Variants in SETD1B observed in about 807,000 individuals in gnomAD.
The protein encoded by SETD1B is histone-lysine N-methyltransferase SETD1B.
Under a neutral mutation model 148.0 loss-of-function variants are expected in SETD1B, and 7 were observed. The observed-to-expected ratio is 0.05, with a 90% CI of 0.03 to 0.09. The LOEUF (loss-of-function observed/expected upper bound fraction) is 0.09. Ranked by LOEUF, SETD1B falls within the 10% of genes least tolerant of loss-of-function variation. The probability of loss-of-function intolerance (pLI) is 1.00; values close to 1 mark genes in which losing one functional copy is unlikely to be tolerated. For synonymous variants in SETD1B, 1,361 were observed against 1,186.5 expected (o/e 1.15, Z -3.02); for missense variants, 2,155 against 2,729.9 (o/e 0.79, Z 4.69).
At chr12:121,803,788 A>G (rs1875536873), upstream of SETD1B, 1 of 151,748 alleles carries the variant, frequency 6.6e-6, no homozygotes, top group African/African-American at 2.4e-5. The surrounding 1 kb of genome is among the most constrained non-coding windows in gnomAD (Gnocchi z 4.7). Context: ...CCAGTCCCAG[A>G]AAAATAAATA....
At chr12:121,816,930 G>A in intron 7 of SETD1B, 103 bp from the exon 8 acceptor site, 1 of 1,030,850 alleles carries the variant, frequency 9.7e-7, no homozygotes, top group East Asian at 2.6e-5. Context: ...GTTACCTGTG[G>A]TGGCTGTTAC....
At chr12:121,813,989 G>T in intron 6 of SETD1B, 117 bp from the exon 7 acceptor site, 1 of 789,808 alleles carries the variant, frequency 1.3e-6, no homozygotes, top group Middle Eastern at 3.0e-4. Context: ...AGGCTGAATG[G>T]CTTGCACTGG....
intron 10 of SETD1B, among the ~76,000 whole-genome samples, chr12:121,818,489 G>T (rs1876405738): frequency 6.6e-6 from 1 of 152,050 alleles, no homozygotes; most frequent in African/African-American, 2.4e-5. Flanking sequence ...CTTGAATCCA[G>T]GAGGCAGAGG....
rs1030688783 is a variant in SETD1B, at chr12:121,804,556, C to T, written c.-14-168C>T. Among the ~76,000 whole-genome samples, 1 of 151,402 alleles carries T rather than the reference C, an allele frequency of 6.6e-6. No homozygotes were observed. Among genetic ancestry groups the T allele is most frequent in the Non-Finnish European group, 1.5e-5 (1 of 67,748 alleles). Reference sequence around the variant, plus strand: ...GCGTAATTCTCCCGGAAGGGTTATTCTCTCGCTCCATTCTTGTTTTGGGGG... The same window carrying T: ...GCGTAATTCTCCCGGAAGGGTTATTTTCTCGCTCCATTCTTGTTTTGGGGG... On this transcript the variant is annotated intron_variant, in intron 1 of 16. Coordinates refer to ENST00000604567, the MANE Select transcript of SETD1B (RefSeq NM_001353345.2). The surrounding 1 kb of genome is among the most constrained non-coding windows in gnomAD (Gnocchi z 4.6).
At chr12:121,793,613 C>A in the SETD1B span, 44 of 1,548,212 alleles carry the variant, frequency 2.8e-5, 1 homozygote, top group Non-Finnish European at 2.5e-5. Flanking sequence ...CGGTCTGGGC[C>A]AGGGCCCCGG....
At chr12:121,793,117 G>C in the SETD1B span, 1 of 1,532,508 alleles carries the variant, frequency 6.5e-7, no homozygotes, top group Non-Finnish European at 8.8e-7. Flanking sequence ...CGGGCGGGCG[G>C]ACCCTCGGGC....
At chr12:121,814,064 C>T (rs1592980398) in intron 6 of SETD1B, 42 bp from the exon 7 acceptor site, 2 of 1,506,190 alleles carry the variant, frequency 1.3e-6, no homozygotes, top group East Asian at 2.5e-5. Flanking sequence ...GCCCCTTGGC[C>T]TTCCAGACTC....
At chr12:121,814,015 G>T in intron 6 of SETD1B, 91 bp from the exon 7 acceptor site, 1 of 1,048,720 alleles carries the variant, frequency 9.5e-7, no homozygotes, top group Non-Finnish European at 1.4e-6. Flanking sequence ...ACAGCTGGGA[G>T]TGCCACTGAT....
At position 121,831,084 on chromosome 12, in the gene SETD1B, C is replaced by T. The variant is rs1422434791; in HGVS notation, c.*845C>T. 1 of 152,300 alleles carries T rather than the reference C, an allele frequency of 6.6e-6. No homozygotes were observed. The highest frequency in any genetic ancestry group is 1.5e-5 in the Non-Finnish European group (1 of 68,100). 9.4% of individuals were successfully genotyped at this position (152,300 alleles called of 1,614,324 possible). On this transcript the variant is annotated 3_prime_UTR_variant, in exon 17 of 17. Transcript: ENST00000604567. ...CGGGAGCCTCTCGGAGGCCCCAGTGCAGGTGAGGGGCGCTGAGAACGCGGG... is the reference window on the plus strand; with the variant it reads ...CGGGAGCCTCTCGGAGGCCCCAGTGTAGGTGAGGGGCGCTGAGAACGCGGG...
chr12:121,829,403 G>T (rs1265974313), intron 16 of SETD1B, among the ~76,000 whole-genome samples: 1 of 152,172 alleles, frequency 6.6e-6, no homozygotes, highest in Non-Finnish European at 1.5e-5. Flanking sequence ...GCCAGATCTG[G>T]ACTGAAGGAG....
In SETD1B at chr12:121,805,159, G is replaced by T. The variant is rs1476162872; in HGVS notation, c.216G>T (p.Arg72=). The change falls in exon 3 of 17, where the codon CGG becomes CGT. Residue 72 remains arginine, a synonymous_variant. Coordinates refer to ENST00000604567, the MANE Select transcript of SETD1B (RefSeq NM_001353345.2). The surrounding 1 kb of genome is among the most constrained non-coding windows in gnomAD (Gnocchi z 4.2). ...CGGTGGAAATTGTCGAAGATCCCCG[G>T]GTCGTCGGGATCTGGACCAAAAACA... ...NRPVEIVEDP[R]VVGIWTKNKE... 6.4e-7 allele frequency: 1 copy of T among 1,551,628 alleles called. No homozygotes were observed.
At chr12:121,820,744 A>G (rs781760321) in intron 11 of SETD1B, among the ~76,000 whole-genome samples, 25 of 152,190 alleles carry the variant, frequency 1.6e-4, no homozygotes, top group Admixed American at 1.2e-3. Flanking sequence ...CGCGTTAGCC[A>G]GGATGGTCTC....
chr12:121,814,284 T>G lies in SETD1B; in HGVS notation c.2069T>G (p.Leu690Arg). The change falls in exon 7 of 17, where the codon CTG (leucine) becomes CGG (arginine). Residue 690 changes from leucine to arginine, a missense_variant. Around this residue, in one of 11 missense-constraint regions of SETD1B, gnomAD observed 295 missense variants for 303.8 expected, o/e 0.97. Transcript: ENST00000604567. ...CCCCCGCCACCTGGCTTCCCCCCGC[T>G]GCCCCCCCCACCACCACCACCCCCA... is the stretch of plus-strand genomic sequence containing the variant. The part of the protein sequence containing the change: ...PLPPPPGFPP[L>R]PPPPPPPPPQ... The G allele has an allele frequency of 1.2e-5, 7 of 567,506 alleles. No individual in the cohort carries two copies. Among genetic ancestry groups the G allele is most frequent in the Non-Finnish European group, 1.6e-5 (7 of 449,248 alleles). 35.2% of individuals were successfully genotyped at this position (567,506 alleles called of 1,614,324 possible). A position where few individuals can be genotyped will look rare whatever the true frequency, so the allele number is the denominator to read the frequency against.
upstream of SETD1B, chr12:121,803,519 A>G (rs987779752): frequency 6.6e-6 from 1 of 152,076 alleles, no homozygotes; most frequent in African/African-American, 2.4e-5. The surrounding 1 kb of genome is among the most constrained non-coding windows in gnomAD (Gnocchi z 4.7). Flanking sequence ...AGGAAGCCGG[A>G]GCGCAGATAC....
At chr12:121,816,013 A>G (rs1020979224) in intron 7 of SETD1B, among the ~76,000 whole-genome samples, 4 of 151,192 alleles carry the variant, frequency 2.6e-5, no homozygotes, top group African/African-American at 9.7e-5. Context: ...TTTTTAGTAG[A>G]GATGGGGTTT....
In SETD1B at chr12:121,805,692, T is replaced by C; in HGVS notation, c.274-143T>C. On this transcript the variant is annotated intron_variant, in intron 3 of 16. Transcript: ENST00000604567. The surrounding 1 kb of genome is among the most constrained non-coding windows in gnomAD (Gnocchi z 4.2). ...GCATTTTTTTTTTCCAAAAAAAATT[T>C]TTTTTTTTTTTTTAATTTTTAGTTT... 4.2e-6 allele frequency: 1 copy of C among 235,982 alleles called. No individual in the cohort carries two copies. The highest frequency in any genetic ancestry group is 5.7e-6 in the Non-Finnish European group (1 of 175,934). 14.6% of individuals were successfully genotyped at this position (235,982 alleles called of 1,614,324 possible). A position where few individuals can be genotyped will look rare whatever the true frequency, so the allele number is the denominator to read the frequency against.
intron 6 of SETD1B, among the ~76,000 whole-genome samples, chr12:121,812,923 C>T (rs1443213031): frequency 6.6e-6 from 1 of 152,126 alleles, no homozygotes; most frequent in Non-Finnish European, 1.5e-5. Flanking sequence ...GATCTTGCAA[C>T]TTGCACAGAC....
At chr12:121,790,954 A>G in the SETD1B span, among the ~76,000 whole-genome samples, 11 of 151,988 alleles carry the variant, frequency 7.2e-5, no homozygotes, top group Non-Finnish European at 1.2e-4. Flanking sequence ...ACTCACTGCA[A>G]TTTCCGCCTC....
the SETD1B span, chr12:121,797,686 T>C: frequency 4.5e-6 from 2 of 444,472 alleles, no homozygotes; most frequent in Non-Finnish European, 9.1e-6. Context: ...CCAAAGCAGG[T>C]GGGGAGTAAA....
Sources: gnomAD v4.1 joint callset for allele counts (sites outside exome capture counted in the v4.1 genomes callset) on GRCh38, gnomAD v4.1.1 for gene constraint, gnomAD v4.1.1 regional missense constraint, Gnocchi (gnomAD v3.1) non-coding constraint, MANE v1.5 for transcripts, NCBI Gene and HGNC (gene_info 2026-07-23, HGNC 2026-07-21) for gene names.